The following DST variants were observed in gnomAD, a reference collection of about 807,000 sequenced individuals.
DST encodes the protein bullous pemphigoid antigen.
A neutral mutation model predicts 875.2 loss-of-function variants in DST; 253 were observed. The observed-to-expected ratio is 0.29, with a 90% CI of 0.26 to 0.32. The LOEUF (loss-of-function observed/expected upper bound fraction) is 0.32. Among genes scored for constraint, DST ranks in the 10% least tolerant of loss-of-function variants. DST has a pLI of 1.00. For missense variants in DST, 8,287 were observed against 9,111.6 expected, an observed-to-expected ratio of 0.91 and a Z score of 3.68; for synonymous variants, 3,124 against 3,197.1, an observed-to-expected ratio of 0.98 and a Z score of 0.77.
intron 36 of DST, chr6:56,618,886 C>T: frequency 6.2e-7 from 1 of 1,614,098 alleles, no homozygotes; most frequent in South Asian, 1.1e-5. Context: ...GTACTTTTTT[C>T]AACCTGTTAT....
intron 4 of DST, chr6:56,843,812 C>G (rs978221268): frequency 3.8e-6 from 2 of 533,330 alleles, no homozygotes; most frequent in Non-Finnish European, 4.8e-6. Context: ...CCGGCTGGCT[C>G]AGCTCCGGCC....
intron 36 of DST, among the ~76,000 whole-genome samples, chr6:56,621,794 G>A (rs1382681532): frequency 6.6e-6 from 1 of 152,042 alleles, no homozygotes. Flanking sequence ...ATTTAAACAG[G>A]AATACAGAAA....
intron 4 of DST, among the ~76,000 whole-genome samples, chr6:56,768,959 G>A (rs548717118): frequency 1.3e-5 from 2 of 152,252 alleles, no homozygotes; most frequent in East Asian, 3.9e-4. Flanking sequence ...AGAGGTTGCA[G>A]TGAGCCAAGA....
At chr6:56,947,187 G>A (rs915449985) in intron 2 of DST, among the ~76,000 whole-genome samples, 1 of 151,466 alleles carries the variant, frequency 6.6e-6, no homozygotes, top group African/African-American at 2.4e-5. Flanking sequence ...AAAGAAGAGT[G>A]ATTGGACGGT....
chr6:56,915,258 C>A (rs1375433388), intron 2 of DST, among the ~76,000 whole-genome samples: 2 of 152,150 alleles, frequency 1.3e-5, no homozygotes, highest in Non-Finnish European at 2.9e-5. Flanking sequence ...AAGATAACGT[C>A]CTTCTCAAGA....
rs373575965 is a variant in DST, at chr6:56,529,523, C to T, written c.17520G>A (p.Val5840=). 5 of 1,612,638 alleles carry T rather than the reference C, an allele frequency of 3.1e-6. No individual in the cohort carries two copies. The highest frequency in any genetic ancestry group is 1.1e-5 in the South Asian group (1 of 90,762). The change falls in exon 66 of 104, where the codon GTG becomes GTA. Residue 5840 remains valine, a synonymous_variant. Coordinates refer to ENST00000680361, the MANE Select transcript of DST (RefSeq NM_001374736.1). ...EVELMNWLNE[V]HDKLSKLSVQ... Reference sequence around the variant, plus strand: ...CTGAGAGCTTGCTCAGTTTGTCATGCACTTCATTCAGCCAGTTCATCAGTT... The same window carrying T: ...CTGAGAGCTTGCTCAGTTTGTCATGTACTTCATTCAGCCAGTTCATCAGTT...
chr6:56,648,689 C>T lies in DST; in HGVS notation c.1435G>A (p.Asp479Asn). Residue 479 changes from aspartate (D) to asparagine (N), a missense_variant and splice_region_variant, in exon 13 of 104, where the codon GAT becomes AAT. By Grantham distance (23) the Asp-to-Asn change is conservative. Around this residue, in one of 10 missense-constraint regions of DST, gnomAD observed 1,160 missense variants for 1,424.3 expected, o/e 0.81. Transcript: ENST00000680361. ...TATTCAATCCATTTGACTTCAACATCCTAGAACAATCAAATGATAGAAAAG... is the reference window on the plus strand; with the variant it reads ...TATTCAATCCATTTGACTTCAACATTCTAGAACAATCAAATGATAGAAAAG... ...PEGGEGIGAN[D>N]VEVKWIEYQN... 1.3e-6 allele frequency: 2 copies of T among 1,560,408 alleles called. No individual in the cohort carries two copies. Among genetic ancestry groups the T allele is most frequent in the Non-Finnish European group, 1.7e-6 (2 of 1,150,902 alleles).
Position 56,618,190 on chromosome 6 carries a change from T to C in DST, c.4930-3706A>G, listed in dbSNP as rs1336074594. On this transcript the variant is annotated intron_variant, in intron 36 of 103. Coordinates refer to ENST00000680361, the MANE Select transcript of DST (RefSeq NM_001374736.1). ...CAGAGTAACACTGCTGGCTTTTCTC[T>C]TTCTCGAGTGGAGCCCCTGGTGGCT... 1.3e-5 allele frequency: 21 copies of C among 1,614,038 alleles called. No homozygotes were observed. Among genetic ancestry groups the C allele is most frequent in the Non-Finnish European group, 1.7e-5 (20 of 1,180,020 alleles).
chr6:56,552,349 T>A lies in DST; in HGVS notation c.16443A>T (p.Gln5481His). The change falls in exon 61 of 104, where the codon CAA becomes CAT. Residue 5481 changes from glutamine to histidine, a missense_variant. By Grantham distance (24) the Gln-to-His change is conservative (BLOSUM62 0). Transcript: ENST00000680361. ...KQCNKLLDRA[Q>H]AREEQVEGTI... ...TCCCTTCAACCTGCTCTTCTCTGGC[T>A]TGGGCTCGGTCCAGTAACTTGTTGC... The A allele has an allele frequency of 6.2e-7, 1 of 1,614,040 alleles. No individual in the cohort carries two copies. Among genetic ancestry groups the A allele is most frequent in the Middle Eastern group, 1.6e-4 (1 of 6,062 alleles).
chr6:56,607,801 G>T lies in DST; in HGVS notation c.6827C>A (p.Pro2276Gln). 1.2e-6 allele frequency: 2 copies of T among 1,613,228 alleles called. No homozygotes were observed. The highest frequency in any genetic ancestry group is 2.2e-5 in the South Asian group (2 of 91,074). The stretch of plus-strand genomic sequence containing the variant: ...ACAGTGACATTTATTGAAACTACTT[G>T]GTGTAGCTGTACATTCATCCTTTTC... Reference protein sequence around the residue: ...GREKDECTATPSSFNKCHCGE... With the variant: ...GREKDECTATQSSFNKCHCGE... The change falls in exon 40 of 104, where the codon CCA becomes CAA. Residue 2276 changes from proline to glutamine, a missense_variant. Physicochemically the swap from Pro to Gln is moderately conservative, Grantham distance 76. This residue lies in a region of DST where 3,138 missense variants were observed against 3,116.6 expected (regional missense o/e 1.01). Transcript: ENST00000680361.
At chr6:56,761,307 G>A (rs2099616649) in intron 4 of DST, among the ~76,000 whole-genome samples, 3 of 152,226 alleles carry the variant, frequency 2.0e-5, no homozygotes, top group African/African-American at 4.8e-5. Context: ...GTTATTAAAC[G>A]CTTACTGATT....
rs1429331652 is a variant in DST at position 56,846,363 on chromosome 6, C to G, written c.625+5034G>C. On this transcript the variant is annotated intron_variant, in intron 4 of 103. Coordinates refer to ENST00000680361, the MANE Select transcript of DST (RefSeq NM_001374736.1). Reference sequence around the variant, plus strand: ...GAGAAGGAATTAAAACCAAGTCTGCCTGAGTTCAAAGTCTGATTCTCCTTT... The same window carrying G: ...GAGAAGGAATTAAAACCAAGTCTGCGTGAGTTCAAAGTCTGATTCTCCTTT... Among the ~76,000 whole-genome samples the G allele has an allele frequency of 2.0e-5, 3 of 152,180 alleles. No homozygotes were observed. The East Asian group carries it at 5.8e-4, about 29-fold the overall frequency.
At chr6:56,561,646 T>G in intron 56 of DST, 97 bp from the exon 57 acceptor site, 2 of 1,219,616 alleles carry the variant, frequency 1.6e-6, no homozygotes, top group East Asian at 4.7e-5. Context: ...TTTTGTCACT[T>G]CTAGCTTGTC....
intron 54 of DST, among the ~76,000 whole-genome samples, chr6:56,569,529 G>GA (rs1367987201): frequency 6.6e-6 from 1 of 152,052 alleles, no homozygotes; most frequent in African/African-American, 2.4e-5. Context: ...GAGTGAAGAG[G>GA]ATGTTTTGCT....
At chr6:56,711,991 T>TGAGACTCGG (rs2099366005) in intron 5 of DST, among the ~76,000 whole-genome samples, 1 of 147,296 alleles carries the variant, frequency 6.8e-6, no homozygotes, top group South Asian at 2.1e-4. Context: ...CTCGGGAGGC[T>TGAGACTCGG]GAGGCAGGAG....
At chr6:56,538,287 T>C (rs186919427) in intron 61 of DST, among the ~76,000 whole-genome samples, 5 of 152,286 alleles carry the variant, frequency 3.3e-5, no homozygotes, top group East Asian at 3.9e-4. Flanking sequence ...AACTCTTTCA[T>C]AGATAATATG....
At chr6:56,516,132 GGA>G (rs5876515) in intron 71 of DST, among the ~76,000 whole-genome samples, 4 of 146,162 alleles carry the variant, frequency 2.7e-5, no homozygotes, top group East Asian at 2.1e-4. Flanking sequence ...AGAGAGAGAG[GGA>G]GAGAGAGAGA....
intron 4 of DST, among the ~76,000 whole-genome samples, chr6:56,850,141 C>A (rs1033014684): frequency 3.3e-5 from 5 of 152,174 alleles, no homozygotes; most frequent in Non-Finnish European, 4.4e-5. Context: ...CCTCCCCTTT[C>A]TCACTCCACC....
At chr6:56,629,103 T>A (rs2098757010) in intron 32 of DST, 147 bp downstream of exon 32, 2 of 756,736 alleles carry the variant, frequency 2.6e-6, no homozygotes, top group Non-Finnish European at 4.3e-6. Flanking sequence ...GTCCTCCAAG[T>A]AAGAAAGAAA....
Sources: allele counts gnomAD v4.1 joint callset (sites outside exome capture counted in the v4.1 genomes callset), GRCh38; gene constraint gnomAD v4.1.1; regional missense constraint gnomAD v4.1.1; transcripts MANE v1.5; gene names NCBI Gene and HGNC (gene_info 2026-07-23, HGNC 2026-07-21).